The following ITGAV variants were observed in gnomAD, a reference collection of about 807,000 sequenced individuals.
ITGAV encodes integrin alpha-V.
ITGAV carries 76 observed loss-of-function variants against 143.8 expected under a neutral mutation model. That is an observed-to-expected ratio of 0.53 (90% CI 0.44 to 0.64). The LOEUF (loss-of-function observed/expected upper bound fraction) is 0.64. Among genes scored for constraint, ITGAV ranks in the 30% least tolerant of loss-of-function variants. The pLI is 0.00. For synonymous variants in ITGAV, 453 were observed against 446.7 expected (o/e 1.01, Z -0.18); for missense variants, 1,193 against 1,274.7 (o/e 0.94, Z 0.98).
intron 21 of ITGAV, among the ~76,000 whole-genome samples, chr2:186,665,824 T>C (rs1439825704): frequency 6.6e-6 from 1 of 152,240 alleles, no homozygotes; most frequent in Non-Finnish European, 1.5e-5. Context: ...TTGATACTGG[T>C]ACTTTGAAGA....
At chr2:186,599,876 G>GT (rs1294717095) in intron 1 of ITGAV, among the ~76,000 whole-genome samples, 3 of 152,116 alleles carry the variant, frequency 2.0e-5, no homozygotes, top group Admixed American at 1.3e-4. Context: ...TACTCCAGAT[G>GT]TTTTTTTCCA....
Position 186,677,336 on chromosome 2 carries a change from G to A in ITGAV, c.*44G>A, listed in dbSNP as rs778313286. On this transcript the variant is annotated 3_prime_UTR_variant, in exon 30 of 30. Coordinates refer to ENST00000261023, the MANE Select transcript of ITGAV (RefSeq NM_002210.5). ...GCTACATCTTGACCCACTAGAATTAGCAACTTTATTATAGATTTAAACTTT... is the reference window on the plus strand; with the variant it reads ...GCTACATCTTGACCCACTAGAATTAACAACTTTATTATAGATTTAAACTTT... 4.9e-6 allele frequency: 7 copies of A among 1,418,102 alleles called. No individual in the cohort carries two copies. The highest frequency in any genetic ancestry group is 4.9e-6 in the Non-Finnish European group (5 of 1,013,292). 87.8% of individuals were successfully genotyped at this position (1,418,102 alleles called of 1,614,324 possible). A position where few individuals can be genotyped will look rare whatever the true frequency, so the allele number is the denominator to read the frequency against.
At chr2:186,664,281 G>A (rs190659963) in intron 19 of ITGAV, among the ~76,000 whole-genome samples, 2 of 152,204 alleles carry the variant, frequency 1.3e-5, no homozygotes, top group African/African-American at 4.8e-5. Context: ...ATATATTAGT[G>A]GCATCAATGT....
chr2:186,673,892 A>G (rs940957400), intron 26 of ITGAV, among the ~76,000 whole-genome samples: 1 of 151,882 alleles, frequency 6.6e-6, no homozygotes, highest in African/African-American at 2.4e-5. Context: ...CTGGTCTCGA[A>G]CTCCTGACCT....
intron 2 of ITGAV, among the ~76,000 whole-genome samples, chr2:186,609,117 A>G (rs764789053): frequency 4.6e-5 from 7 of 152,186 alleles, no homozygotes; most frequent in Non-Finnish European, 8.8e-5. Flanking sequence ...GAGCTTGTAG[A>G]GGGAACTAAA....
At chr2:186,616,737 A>G (rs1352135668) in intron 2 of ITGAV, among the ~76,000 whole-genome samples, 3 of 152,094 alleles carry the variant, frequency 2.0e-5, no homozygotes, top group Non-Finnish European at 4.4e-5. Flanking sequence ...CTTGAAAAGC[A>G]AGGACTTATC....
At chr2:186,659,690 C>G (rs1688691101) in intron 18 of ITGAV, among the ~76,000 whole-genome samples, 1 of 150,796 alleles carries the variant, frequency 6.6e-6, no homozygotes, top group South Asian at 2.1e-4. Context: ...ATTACATGTT[C>G]ATGTTTTTAC....
chr2:186,611,408 G>C (rs1687212827), intron 2 of ITGAV, among the ~76,000 whole-genome samples: 1 of 151,984 alleles, frequency 6.6e-6, no homozygotes, highest in African/African-American at 2.4e-5. Context: ...CTTTAAAAAA[G>C]AGAGTTGGGG....
intron 1 of ITGAV, chr2:186,600,291 TC>T: frequency 1.3e-6 from 2 of 1,524,918 alleles, no homozygotes; most frequent in African/African-American, 1.4e-5. Context: ...TCATTCCACT[TC>T]CCTCATCCCC....
intron 12 of ITGAV, among the ~76,000 whole-genome samples, chr2:186,643,245 C>T (rs1448424): frequency 0.74 from 112,620 of 152,106 alleles, 41,871 homozygotes; most frequent in East Asian, 0.85. Flanking sequence ...TATAATGTGT[C>T]GTCTGTCAGT....
chr2:186,634,803 TTAGA>T (rs1296132681), intron 6 of ITGAV, among the ~76,000 whole-genome samples: 36 of 152,292 alleles, frequency 2.4e-4, no homozygotes, highest in South Asian at 2.1e-4. Context: ...CACTTTATAG[TTAGA>T]TATAGAAATA....
At chr2:186,602,617 G>A (rs1037326904) in intron 2 of ITGAV, among the ~76,000 whole-genome samples, 1 of 152,154 alleles carries the variant, frequency 6.6e-6, no homozygotes, top group Non-Finnish European at 1.5e-5. Context: ...AGTGGCTCAC[G>A]CCTGTAATCC....
intron 14 of ITGAV, among the ~76,000 whole-genome samples, chr2:186,650,791 C>A (rs1344812871): frequency 2.0e-5 from 3 of 151,344 alleles, no homozygotes; most frequent in African/African-American, 7.3e-5. Context: ...CTCAAGTGAT[C>A]CACCAGCCTC....
At position 186,664,676 on chromosome 2, in the gene ITGAV, C is replaced by T. The variant is rs773461537; in HGVS notation, c.2073+35C>T. ...CTGCCTCTTTAAAAATTGAAATGCA[C>T]TCACGGATCTTATTAACATTAATGA... On this transcript the variant is annotated intron_variant, in intron 20 of 29. Coordinates refer to ENST00000261023, the MANE Select transcript of ITGAV (RefSeq NM_002210.5). 29 of 1,612,696 alleles carry T rather than the reference C, an allele frequency of 1.8e-5. 4 individuals carry two copies. The South Asian group carries it at 2.9e-4, about 16-fold the overall frequency.
At position 186,590,184 on chromosome 2, in the gene ITGAV, C is replaced by T. The variant is rs1218846857; in HGVS notation, c.-155C>T. The T allele has an allele frequency of 6.9e-6, 4 of 577,676 alleles. No homozygotes were observed. The highest frequency in any genetic ancestry group is 7.3e-5 in the East Asian group (2 of 27,520). The allele number at this position is 577,676 out of a possible 1,614,324, so 35.8% of individuals were successfully genotyped here. A position where few individuals can be genotyped will look rare whatever the true frequency, so the allele number is the denominator to read the frequency against. On this transcript the variant is annotated 5_prime_UTR_variant, in exon 1 of 30. Coordinates refer to ENST00000261023, the MANE Select transcript of ITGAV (RefSeq NM_002210.5). ...GGCGGTCGCTCCGAAGCTCAGCCCT[C>T]TTGCCTGCCCCGGAGCTGTCCCGGG...
chr2:186,667,075 T>G, intron 22 of ITGAV, 75 bp from the exon 23 acceptor site: 1 of 1,090,512 alleles, frequency 9.2e-7, no homozygotes, highest in Non-Finnish European at 1.3e-6. Context: ...AATTTTTAGT[T>G]TCACTGGGTT....
intron 26 of ITGAV, among the ~76,000 whole-genome samples, chr2:186,670,576 C>A (rs1050124166): frequency 1.3e-5 from 2 of 152,138 alleles, no homozygotes; most frequent in Non-Finnish European, 2.9e-5. Context: ...GCTGGGATGA[C>A]AGGCATGAAC....
intron 2 of ITGAV, among the ~76,000 whole-genome samples, chr2:186,603,699 A>G (rs1355396542): frequency 1.3e-5 from 2 of 152,202 alleles, no homozygotes; most frequent in African/African-American, 4.8e-5. Context: ...ATGTTTCTGT[A>G]CTTAACACTG....
chr2:186,625,578 T>C lies in ITGAV; in HGVS notation c.514T>C (p.Cys172Arg), dbSNP rs1174712727. ...DGTKTVEYAP[C>R]RSQDIDADGQ... is the part of the protein sequence containing the mutation. ...AACAAAGACTGTTGAGTATGCTCCA[T>C]GTAGATCACGTATGTATAGGATATT... is the stretch of plus-strand genomic sequence containing the variant. Residue 172 changes from cysteine to arginine, a missense_variant, in exon 4 of 30, where the codon TGT becomes CGT. Physicochemically the swap from Cys to Arg is radical, Grantham distance 180. Transcript: ENST00000261023. 1 of 1,610,694 alleles carries C rather than the reference T, an allele frequency of 6.2e-7. No homozygotes were observed. Among genetic ancestry groups the C allele is most frequent in the Admixed American group, 1.7e-5 (1 of 59,952 alleles).
Sources: allele counts gnomAD v4.1 joint callset (sites outside exome capture counted in the v4.1 genomes callset), GRCh38; gene constraint gnomAD v4.1.1; transcripts MANE v1.5; gene names NCBI Gene and HGNC (gene_info 2026-07-23, HGNC 2026-07-21).